ANK2: variants seen among roughly 807,000 people sequenced by gnomAD.
ANK2 encodes ankyrin-2.
Under a neutral mutation model 360.5 loss-of-function variants are expected in ANK2, and 83 were observed. The ratio of observed to expected loss-of-function variants is 0.23; its 90% CI spans 0.19 to 0.28. The LOEUF is 0.28. ANK2 is among the 10% of genes least tolerant of loss of function. The pLI is 1.00. For synonymous variants in ANK2, 1,740 were observed against 1,759.5 expected, an observed-to-expected ratio of 0.99 and a Z score of 0.28; for missense variants, 4,201 against 4,795.7, an observed-to-expected ratio of 0.88 and a Z score of 3.66.
chr4:113,216,347 A>G (rs891480816), intron 4 of ANK2, among the ~76,000 whole-genome samples: 6 of 152,240 alleles, frequency 3.9e-5, no homozygotes, highest in Admixed American at 3.9e-4. Flanking sequence ...TAATGCCAGG[A>G]AGGGGAAGCA....
At chr4:113,271,479 G>GAC (rs3059950) in intron 14 of ANK2, among the ~76,000 whole-genome samples, 4,400 of 150,394 alleles carry the variant, frequency 0.029, 103 homozygotes, top group East Asian at 0.073. Flanking sequence ...TGCACGCACA[G>GAC]ACACACACAC....
the ANK2 span, among the ~76,000 whole-genome samples, chr4:112,713,985 G>A: frequency 5.9e-5 from 9 of 151,740 alleles, no homozygotes; most frequent in Admixed American, 2.6e-4. Context: ...ATGTGACTGT[G>A]TTGCTGCTTT....
chr4:113,113,004 G>T (rs1000137674), intron 1 of ANK2, among the ~76,000 whole-genome samples: 6 of 152,028 alleles, frequency 3.9e-5, no homozygotes, highest in Admixed American at 2.0e-4. Context: ...TTGGCTTCAG[G>T]TAAAACAAAT....
the ANK2 span, among the ~76,000 whole-genome samples, chr4:112,793,514 AT>A: frequency 6.6e-6 from 1 of 152,062 alleles, no homozygotes; most frequent in African/African-American, 2.4e-5. Flanking sequence ...CCTGTTAATA[AT>A]TTTGTCTCAT....
chr4:112,778,039 G>T, the ANK2 span, among the ~76,000 whole-genome samples: 1 of 151,336 alleles, frequency 6.6e-6, no homozygotes, highest in Non-Finnish European at 1.5e-5. Flanking sequence ...GCGCGATCTC[G>T]GCTCACTGCA....
chr4:113,127,205 C>T (rs1261891644), intron 1 of ANK2, among the ~76,000 whole-genome samples: 2 of 152,104 alleles, frequency 1.3e-5, no homozygotes, highest in East Asian at 1.9e-4. Context: ...CAAGCATCCT[C>T]CCTATTTCCA....
chr4:113,228,361 C>G (rs1477267427), intron 4 of ANK2, among the ~76,000 whole-genome samples: 2 of 152,160 alleles, frequency 1.3e-5, no homozygotes, highest in African/African-American at 4.8e-5. Flanking sequence ...CCCAAGTCCC[C>G]AAAGTCCATT....
chr4:113,348,241 T>G lies in ANK2; in HGVS notation c.4372-35T>G, dbSNP rs529780718. On this transcript the variant is annotated intron_variant, in intron 35 of 45. Transcript: ENST00000357077. ...ATACTCTCTACTCTTCCTTCTCTCT[T>G]TTTTCCATCTTGCATGGCATCTTGG... 20 of 1,609,772 alleles carry G rather than the reference T, an allele frequency of 1.2e-5. No homozygotes were observed. In the South Asian group the frequency reaches 1.6e-4, roughly 13 times the overall value.
At chr4:113,276,567 G>T (rs1434254736) in intron 15 of ANK2, among the ~76,000 whole-genome samples, 2 of 152,130 alleles carry the variant, frequency 1.3e-5, no homozygotes, top group African/African-American at 4.8e-5. Flanking sequence ...CCTAATCATT[G>T]TGTGCATTGA....
At chr4:113,157,244 G>C (rs922198371) in intron 1 of ANK2, among the ~76,000 whole-genome samples, 1 of 152,102 alleles carries the variant, frequency 6.6e-6, no homozygotes, top group African/African-American at 2.4e-5. Context: ...GATTAATTAA[G>C]AACAGCTGAG....
chr4:113,024,767 A>G lies in ANK2; in HGVS notation c.21+120253A>G, dbSNP rs190789578. On this transcript the variant is annotated intron_variant, in intron 2 of 30. Coordinates refer to the ANK2 transcript ENST00000503271. ...GAATTATTGTTTGACGCTAGAAGAT[A>G]ACACAATTTAGGTTATTGGTTCTAT... 4.7e-3 allele frequency among the ~76,000 whole-genome samples: 712 copies of G among 152,296 alleles called. 5 individuals carry two copies. The highest frequency in any genetic ancestry group is 6.6e-3 in the Non-Finnish European group (450 of 68,004).
intron 24 of ANK2, among the ~76,000 whole-genome samples, chr4:113,314,154 G>A (rs2081554478): frequency 6.6e-6 from 1 of 152,174 alleles, no homozygotes; most frequent in African/African-American, 2.4e-5. Flanking sequence ...GTTATGATTA[G>A]TTGGATTTTG....
Position 113,068,946 on chromosome 4 carries a change from C to A in ANK2, c.84+19134C>A, listed in dbSNP as rs1270882254. Among the ~76,000 whole-genome samples, 3 of 151,926 alleles carry A rather than the reference C, an allele frequency of 2.0e-5. No individual in the cohort carries two copies. In the East Asian group the frequency reaches 5.8e-4, roughly 29 times the overall value. On this transcript the variant is annotated intron_variant, in intron 1 of 45. Coordinates refer to ENST00000357077, the MANE Select transcript of ANK2 (RefSeq NM_001148.6). Reference sequence around the variant, plus strand: ...GGCGTGGTGGTGCATGCCTATAGTCCCAGCTACTTGGGAAGCTGAAGTGGG... The same window carrying A: ...GGCGTGGTGGTGCATGCCTATAGTCACAGCTACTTGGGAAGCTGAAGTGGG...
upstream of ANK2, among the ~76,000 whole-genome samples, chr4:113,044,962 A>G (rs971262584): frequency 6.6e-6 from 1 of 152,126 alleles, no homozygotes; most frequent in Admixed American, 6.6e-5. Context: ...AAGATTTTCT[A>G]CCATAAGTAA....
At chr4:113,068,189 A>C (rs2076295028) in intron 1 of ANK2, among the ~76,000 whole-genome samples, 1 of 152,216 alleles carries the variant, frequency 6.6e-6, no homozygotes. Flanking sequence ...TGAGCACATA[A>C]GTTTTTCCTG....
At chr4:113,315,232 A>G (rs1406850363) in intron 24 of ANK2, among the ~76,000 whole-genome samples, 1 of 152,226 alleles carries the variant, frequency 6.6e-6, no homozygotes, top group Non-Finnish European at 1.5e-5. Context: ...TACCGATTGC[A>G]AAGTGCGACT....
At chr4:112,714,462 C>T in the ANK2 span, among the ~76,000 whole-genome samples, 38 of 152,320 alleles carry the variant, frequency 2.5e-4, no homozygotes, top group East Asian at 1.2e-3. Flanking sequence ...GGATTACAGG[C>T]GTGAGCCACC....
intron 18 of ANK2, among the ~76,000 whole-genome samples, chr4:113,284,786 A>C (rs1247121744): frequency 1.3e-5 from 2 of 152,154 alleles, no homozygotes; most frequent in African/African-American, 2.4e-5. Flanking sequence ...ACAATATACA[A>C]AATTTACATA....
chr4:113,192,018 TA>T (rs1247421850), intron 2 of ANK2, among the ~76,000 whole-genome samples: 1 of 152,180 alleles, frequency 6.6e-6, no homozygotes, highest in Admixed American at 6.5e-5. Context: ...AAATGAAAAT[TA>T]AGTTCAGAAA....
Sources: allele counts gnomAD v4.1 joint callset (sites outside exome capture counted in the v4.1 genomes callset), GRCh38; gene constraint gnomAD v4.1.1; transcripts MANE v1.5; gene names NCBI Gene and HGNC (gene_info 2026-07-23, HGNC 2026-07-21).